The following ZNF575 variants were observed in gnomAD, a reference collection of about 807,000 sequenced individuals.
ZNF575 encodes the protein zinc finger protein 575.
In ZNF575, 17 loss-of-function variants were observed where a neutral mutation model predicts 17.5. That is an observed-to-expected ratio of 0.97 (90% CI 0.66 to 1.45). ZNF575 has a LOEUF of 1.45. Ranked by LOEUF, ZNF575 falls within the 40% of genes most tolerant of loss-of-function variation. The pLI is 0.00. For synonymous variants in ZNF575, 146 were observed against 158.3 expected (o/e 0.92, Z 0.58); for missense variants, 352 against 359.2 (o/e 0.98, Z 0.16).
At chr19:43,534,622 C>T (rs1972388771) in intron 3 of ZNF575, 121 bp downstream of exon 3, 2 of 964,998 alleles carry the variant, frequency 2.1e-6, no homozygotes, top group South Asian at 4.4e-5. Flanking sequence ...TATTTGGGAT[C>T]CCCAAAACTG....
upstream of ZNF575, chr19:43,531,812 G>A: frequency 1.5e-6 from 1 of 687,072 alleles, no homozygotes; most frequent in Admixed American, 2.1e-5. Context: ...AAGATACGGG[G>A]TATCACTCTG....
chr19:43,531,755 A>T (rs1568505509), upstream of ZNF575: 1 of 612,330 alleles, frequency 1.6e-6, no homozygotes, highest in Non-Finnish European at 3.0e-6. Context: ...GGTAAATCAA[A>T]CAATACTGGT....
At chr19:43,531,194 A>T (rs1972338591), upstream of ZNF575, among the ~76,000 whole-genome samples, 1 of 151,754 alleles carries the variant, frequency 6.6e-6, no homozygotes, top group Non-Finnish European at 1.5e-5. Context: ...AGGACGTTGA[A>T]GCAGGAGAAT....
At chr19:43,532,554 G>A (rs1193781412), upstream of ZNF575, among the ~76,000 whole-genome samples, 3 of 152,226 alleles carry the variant, frequency 2.0e-5, no homozygotes, top group African/African-American at 4.8e-5. Context: ...TGGCACAGCC[G>A]TATTCCAAAC....
chr19:43,535,673 G>A lies in ZNF575; in HGVS notation c.724G>A (p.Gly242Arg), dbSNP rs756513094. 13 of 1,609,772 alleles carry A rather than the reference G, an allele frequency of 8.1e-6. No individual in the cohort carries two copies. Among genetic ancestry groups the A allele is most frequent in the Non-Finnish European group, 1.1e-5 (13 of 1,178,346 alleles). The change falls in exon 4 of 4, where the codon GGG (glycine) becomes AGG (arginine). Residue 242 changes from glycine (G) to arginine (R), a missense_variant. By Grantham distance (125) the Gly-to-Arg change is moderately radical. Coordinates refer to ENST00000314228, the MANE Select transcript of ZNF575 (RefSeq NM_174945.3). ...CAGCCACCACCAGGTGGAGCACAAG[G>A]GGGAGAGAGACTGAGCCCTCCCTTG... ...QRSHHQVEHK[G>R]ERD is the part of the protein sequence containing the mutation.
chr19:43,532,438 T>C (rs1403154622), upstream of ZNF575, among the ~76,000 whole-genome samples: 4 of 152,214 alleles, frequency 2.6e-5, no homozygotes, highest in African/African-American at 9.6e-5. Flanking sequence ...CTTTCTAGTC[T>C]AAACACTTTC....
chr19:43,532,031 G>T (rs56012842), upstream of ZNF575, among the ~76,000 whole-genome samples: 28,868 of 141,278 alleles, frequency 0.2, 3,026 homozygotes, highest in Non-Finnish European at 0.24. Context: ...TGGGTTTTTG[G>T]TTTTTTTGTT....
At chr19:43,531,126 A>C (rs1307926224), upstream of ZNF575, among the ~76,000 whole-genome samples, 1 of 143,944 alleles carries the variant, frequency 6.9e-6, no homozygotes, top group Non-Finnish European at 1.5e-5. Context: ...CAAAAATACA[A>C]AAAAAAAAAA....
upstream of ZNF575, chr19:43,531,996 G>A: frequency 2.4e-6 from 1 of 411,096 alleles, no homozygotes; most frequent in African/African-American, 2.6e-5. Flanking sequence ...TCACTATGTT[G>A]CCTAGGCTGG....
chr19:43,532,169 CA>C (rs1972353391), upstream of ZNF575, among the ~76,000 whole-genome samples: 1 of 143,170 alleles, frequency 7.0e-6, no homozygotes, highest in Non-Finnish European at 1.6e-5. Context: ...GCTGAGATTA[CA>C]AGCGTGTGCC....
chr19:43,533,005 G>C (rs765581956), upstream of ZNF575: 8 of 151,522 alleles, frequency 5.3e-5, no homozygotes, highest in Non-Finnish European at 1.2e-4. Flanking sequence ...TTAGCAGCGA[G>C]CTCTTGAAAC....
Position 43,534,483 on chromosome 19 carries a change from G to A in ZNF575, c.61G>A (p.Glu21Lys). 1 of 1,477,860 alleles carries A rather than the reference G, an allele frequency of 6.8e-7. No homozygotes were observed. The highest frequency in any genetic ancestry group is 9.0e-7 in the Non-Finnish European group (1 of 1,112,542). 91.5% of individuals were successfully genotyped at this position (1,477,860 alleles called of 1,614,324 possible). A position where few individuals can be genotyped will look rare whatever the true frequency, so the allele number is the denominator to read the frequency against. Residue 21 changes from glutamate to lysine, a missense_variant, in exon 3 of 4, where the codon GAA becomes AAA. Coordinates refer to ENST00000314228, the MANE Select transcript of ZNF575 (RefSeq NM_174945.3). ...GATDPSPTGK[E>K]PVTKEAPHQG... is the part of the protein sequence containing the mutation. ...TACCGATCCTAGTCCCACTGGCAAG[G>A]AACCAGTGACCAAAGAAGGTGAGAG... is the stretch of plus-strand genomic sequence containing the variant.
upstream of ZNF575, among the ~76,000 whole-genome samples, chr19:43,530,931 C>T (rs1972335212): frequency 6.6e-6 from 1 of 152,150 alleles, no homozygotes; most frequent in Admixed American, 6.6e-5. Flanking sequence ...AATACCCTCA[C>T]TGGTCTTCTG....
rs1289222156 is a variant in ZNF575, at chr19:43,535,349, C to G, written c.400C>G (p.Leu134Val). ...GAAGTCCTTTGGCCACCGCTCCAAG[C>G]TGGCGGCTCACCTCTGGACCCACGC... ...CPKSFGHRSK[L>V]AAHLWTHAPT... Residue 134 changes from leucine (L) to valine (V), a missense_variant, in exon 4 of 4, where the codon CTG becomes GTG. Leu to Val is a conservative substitution (Grantham distance 32, BLOSUM62 1). Transcript: ENST00000314228. 1 of 1,592,124 alleles carries G rather than the reference C, an allele frequency of 6.3e-7. No homozygotes were observed. The highest frequency in any genetic ancestry group is 2.3e-5 in the East Asian group (1 of 44,244).
Position 43,535,443 on chromosome 19 carries a change from A to G in ZNF575, c.494A>G (p.His165Arg), listed in dbSNP as rs760551509. The change falls in exon 4 of 4, where the codon CAC becomes CGC. Residue 165 changes from histidine (H) to arginine (R), a missense_variant. Physicochemically the swap from His to Arg is conservative, Grantham distance 29. Coordinates refer to ENST00000314228, the MANE Select transcript of ZNF575 (RefSeq NM_174945.3). ...TGCTACCCTTCCAAGCTGGCGGCCC[A>G]CCGCCACACGCACCACGCCACCGAC... Reference protein sequence around the residue: ...SFCYPSKLAAHRHTHHATDAR... With the variant: ...SFCYPSKLAARRHTHHATDAR... The G allele has an allele frequency of 1.5e-6, 2 of 1,318,044 alleles. No individual in the cohort carries two copies. Among genetic ancestry groups the G allele is most frequent in the Non-Finnish European group, 2.0e-6 (2 of 1,007,152 alleles). 81.6% of individuals were successfully genotyped at this position (1,318,044 alleles called of 1,614,324 possible). A position where few individuals can be genotyped will look rare whatever the true frequency, so the allele number is the denominator to read the frequency against.
chr19:43,534,400 C>A lies in ZNF575; in HGVS notation c.-23C>A. 1 of 1,550,648 alleles carries A rather than the reference C, an allele frequency of 6.4e-7. No homozygotes were observed. Among genetic ancestry groups the A allele is most frequent in the South Asian group, 1.2e-5 (1 of 83,934 alleles). ...GCGTCACCCCCGCCCCGCGCCCTGCCCCTAGGTTCCTGTGCCAGCAAGATG... is the reference window on the plus strand; with the variant it reads ...GCGTCACCCCCGCCCCGCGCCCTGCACCTAGGTTCCTGTGCCAGCAAGATG... On this transcript the variant is annotated 5_prime_UTR_variant, in exon 3 of 4. Transcript: ENST00000314228.
chr19:43,531,871 G>T (rs1466388935), upstream of ZNF575: 2 of 651,848 alleles, frequency 3.1e-6, no homozygotes, highest in Admixed American at 4.3e-5. Context: ...TTGCAGACAT[G>T]AACTCCTGGG....
Position 43,535,151 on chromosome 19 carries a change from T to C in ZNF575, c.202T>C (p.Cys68Arg), listed in dbSNP as rs370571946. Residue 68 changes from cysteine to arginine, a missense_variant, in exon 4 of 4, where the codon TGT becomes CGT. Physicochemically the swap from Cys to Arg is radical, Grantham distance 180. Coordinates refer to ENST00000314228, the MANE Select transcript of ZNF575 (RefSeq NM_174945.3). ...CCAGCGCCCGCACCGCTGCCCCGAC[T>C]GTGACAAGGCCTTCTCGTACCCGTC... is the stretch of plus-strand genomic sequence containing the variant. The part of the protein sequence containing the change: ...PPQRPHRCPD[C>R]DKAFSYPSKL... 1.9e-6 allele frequency: 3 copies of C among 1,593,592 alleles called. No individual in the cohort carries two copies. Among genetic ancestry groups the C allele is most frequent in the Non-Finnish European group, 2.6e-6 (3 of 1,171,938 alleles).
In ZNF575 at chr19:43,533,399, C is replaced by G. The variant is rs374913048; in HGVS notation, c.-317C>G. On this transcript the variant is annotated 5_prime_UTR_variant, in exon 1 of 4. Coordinates refer to ENST00000314228, the MANE Select transcript of ZNF575 (RefSeq NM_174945.3). ...TTGCCTGCCCTCCCCCGACGCCGGA[C>G]GCGCGCCGGGCGGGGCAGCTCCGCT... The G allele has an allele frequency of 6.6e-6, 1 of 152,284 alleles. No homozygotes were observed. Among genetic ancestry groups the G allele is most frequent in the East Asian group, 1.9e-4 (1 of 5,152 alleles). The allele number at this position is 152,284 out of a possible 1,614,324, so 9.4% of individuals were successfully genotyped here. A position where few individuals can be genotyped will look rare whatever the true frequency, so the allele number is the denominator to read the frequency against.
Sources: allele counts gnomAD v4.1 joint callset (sites outside exome capture counted in the v4.1 genomes callset), GRCh38; gene constraint gnomAD v4.1.1; transcripts MANE v1.5; gene names NCBI Gene and HGNC (gene_info 2026-07-23, HGNC 2026-07-21).